Variants in TGFBR3 observed in about 807,000 individuals in gnomAD.
The protein encoded by TGFBR3 is transforming growth factor beta receptor type 3.
In TGFBR3, 46 loss-of-function variants were observed where a neutral mutation model predicts 87.9. The ratio of observed to expected loss-of-function variants is 0.52; its 90% CI spans 0.41 to 0.67. The LOEUF is 0.67. Among genes scored for constraint, TGFBR3 ranks in the 30% least tolerant of loss-of-function variants. The probability of loss-of-function intolerance (pLI) is 0.00; values close to 1 mark genes in which losing one functional copy is unlikely to be tolerated. For missense variants in TGFBR3, 866 were observed against 1,041.9 expected, an observed-to-expected ratio of 0.83 and a Z score of 2.32; for synonymous variants, 381 against 391.6, an observed-to-expected ratio of 0.97 and a Z score of 0.32.
chr1:91,863,226 G>A lies in TGFBR3; in HGVS notation c.-113-1582C>T, dbSNP rs186907534. Among the ~76,000 whole-genome samples, 12 of 152,256 alleles carry A rather than the reference G, an allele frequency of 7.9e-5. No homozygotes were observed. In the South Asian group the frequency reaches 1.0e-3, roughly 13 times the overall value. On this transcript the variant is annotated intron_variant, in intron 1 of 16. Coordinates refer to ENST00000212355, the MANE Select transcript of TGFBR3 (RefSeq NM_003243.5). ...ATTTCAAAAAGAATTTCTTAGATATGTCTTGAAACTAAATTATTATATAGG... is the reference window on the plus strand; with the variant it reads ...ATTTCAAAAAGAATTTCTTAGATATATCTTGAAACTAAATTATTATATAGG...
intron 2 of TGFBR3, among the ~76,000 whole-genome samples, chr1:91,857,958 A>G (rs781682725): frequency 3.9e-5 from 6 of 152,214 alleles, no homozygotes; most frequent in Non-Finnish European, 8.8e-5. Flanking sequence ...CCTTCAAATC[A>G]ATATAGTAGA....
intron 1 of TGFBR3, among the ~76,000 whole-genome samples, chr1:91,880,946 A>G (rs2101287058): frequency 6.6e-6 from 1 of 151,282 alleles, no homozygotes; most frequent in Non-Finnish European, 1.5e-5. Context: ...ATAAGTATAT[A>G]AATAAAAATA....
chr1:91,808,029 T>C (rs893878862), intron 2 of TGFBR3, among the ~76,000 whole-genome samples: 5 of 152,238 alleles, frequency 3.3e-5, no homozygotes, highest in Admixed American at 6.5e-5. Flanking sequence ...CTAAAAACTT[T>C]TAGAATGATT....
At chr1:91,845,740 A>C (rs1243332512) in intron 2 of TGFBR3, among the ~76,000 whole-genome samples, 2 of 152,210 alleles carry the variant, frequency 1.3e-5, no homozygotes, top group East Asian at 3.9e-4. Flanking sequence ...AGCATCTTCC[A>C]ACTGCAGTAG....
At chr1:91,772,983 TTGTC>T (rs1288164427) in intron 3 of TGFBR3, among the ~76,000 whole-genome samples, 17 of 152,322 alleles carry the variant, frequency 1.1e-4, no homozygotes, top group African/African-American at 3.6e-4. Flanking sequence ...AAAAAGTTAA[TTGTC>T]TGAGAAACAG....
intron 2 of TGFBR3, among the ~76,000 whole-genome samples, chr1:91,839,297 T>C (rs1046429663): frequency 7.2e-5 from 11 of 152,196 alleles, no homozygotes; most frequent in Admixed American, 5.2e-4. Context: ...AGTCTTTTTA[T>C]ATACTTGTGG....
At chr1:91,803,974 C>A (rs749711963) in intron 2 of TGFBR3, among the ~76,000 whole-genome samples, 7 of 152,136 alleles carry the variant, frequency 4.6e-5, no homozygotes, top group Non-Finnish European at 7.3e-5. Flanking sequence ...AGAACAGAAC[C>A]CAACCACTCT....
chr1:91,808,519 A>G (rs538842970), intron 2 of TGFBR3, among the ~76,000 whole-genome samples: 237 of 152,298 alleles, frequency 1.6e-3, no homozygotes, highest in Non-Finnish European at 2.7e-3. Flanking sequence ...AGGCTGGAGC[A>G]CAGTGGCGCA....
intron 3 of TGFBR3, among the ~76,000 whole-genome samples, chr1:91,780,922 CACACACACACAG>C (rs1377987040): frequency 6.6e-6 from 1 of 150,568 alleles, no homozygotes; most frequent in Non-Finnish European, 1.5e-5. Flanking sequence ...CACACACACA[CACACACACACAG>C]AGATCTCATC....
intron 3 of TGFBR3, among the ~76,000 whole-genome samples, chr1:91,764,551 TC>T (rs1674101550): frequency 6.6e-6 from 1 of 151,826 alleles, no homozygotes; most frequent in Non-Finnish European, 1.5e-5. Flanking sequence ...GGCCCTTCCT[TC>T]CCAGAGCAGC....
intron 3 of TGFBR3, among the ~76,000 whole-genome samples, chr1:91,785,402 A>T (rs1344637178): frequency 4.6e-5 from 7 of 152,216 alleles, no homozygotes; most frequent in African/African-American, 1.7e-4. Context: ...AATGTTGTAA[A>T]ATTAGATTAT....
chr1:91,893,048 T>C (rs947204502), intron 2 of TGFBR3, among the ~76,000 whole-genome samples: 2 of 152,218 alleles, frequency 1.3e-5, no homozygotes, highest in Non-Finnish European at 2.9e-5. Flanking sequence ...GAAAGTCTAC[T>C]TCTAAAAATA....
Position 91,681,055 on chromosome 1 carries a change from T to C in TGFBR3, c.*2684A>G, listed in dbSNP as rs541386059. 1.1e-5 allele frequency: 5 copies of C among 454,090 alleles called. No individual in the cohort carries two copies. Among genetic ancestry groups the C allele is most frequent in the South Asian group, 6.2e-5 (4 of 64,476 alleles). 28.1% of individuals were successfully genotyped at this position (454,090 alleles called of 1,614,324 possible). Reference sequence around the variant, plus strand: ...ATCAAACAAACAACAAAATGGCCTCTGCAAATTAAGGGTGTAGCCTGCAGA... The same window carrying C: ...ATCAAACAAACAACAAAATGGCCTCCGCAAATTAAGGGTGTAGCCTGCAGA... On this transcript the variant is annotated 3_prime_UTR_variant, in exon 17 of 17. Transcript: ENST00000212355.
chr1:91,742,513 AT>A (rs1276005839), intron 4 of TGFBR3, among the ~76,000 whole-genome samples: 3 of 152,152 alleles, frequency 2.0e-5, no homozygotes, highest in African/African-American at 7.2e-5. Flanking sequence ...TAATGATTTG[AT>A]TTTTCACCTA....
rs1307071620 is a variant in TGFBR3, at chr1:91,758,697, A to G, written c.300T>C (p.Val100=). The G allele has an allele frequency of 3.1e-6, 5 of 1,614,046 alleles. No homozygotes were observed. The highest frequency in any genetic ancestry group is 4.2e-6 in the Non-Finnish European group (5 of 1,179,946). ...GGTGTGGGGAGTTGAGCAGGAACAC[A>G]ACAGACTTGTGGTGGATGTGGACTG... The part of the protein sequence containing the change: ...ISSVHIHHKS[V]VFLLNSPHPL... Residue 100 remains valine (V), a synonymous_variant, in exon 4 of 17, where the codon GTT becomes GTC. Coordinates refer to ENST00000212355, the MANE Select transcript of TGFBR3 (RefSeq NM_003243.5).
intron 14 of TGFBR3, among the ~76,000 whole-genome samples, chr1:91,704,327 C>CAAAA (rs68141642): frequency 7.6e-6 from 1 of 131,482 alleles, no homozygotes; most frequent in Non-Finnish European, 1.6e-5. Context: ...GACTTTGTCT[C>CAAAA]AAAAAAAAAA....
At chr1:91,858,391 G>C (rs1678042306) in intron 2 of TGFBR3, among the ~76,000 whole-genome samples, 1 of 151,960 alleles carries the variant, frequency 6.6e-6, no homozygotes, top group Non-Finnish European at 1.5e-5. Context: ...GAGGCAGGCG[G>C]ATTGCCTGAG....
chr1:91,833,019 A>G (rs1165742701), intron 2 of TGFBR3, among the ~76,000 whole-genome samples: 1 of 149,078 alleles, frequency 6.7e-6, no homozygotes, highest in Non-Finnish European at 1.5e-5. Flanking sequence ...AAAAAAAAAA[A>G]AAGCCAGGTG....
At chr1:91,716,448 C>A in intron 11 of TGFBR3, 54 bp from the exon 12 acceptor site, 1 of 1,613,722 alleles carries the variant, frequency 6.2e-7, no homozygotes, top group South Asian at 1.1e-5. Flanking sequence ...AGGATGAAGG[C>A]CCTGTAGCTT....
Sources: allele counts gnomAD v4.1 joint callset (sites outside exome capture counted in the v4.1 genomes callset), GRCh38; gene constraint gnomAD v4.1.1; transcripts MANE v1.5; gene names NCBI Gene and HGNC (gene_info 2026-07-23, HGNC 2026-07-21).